Variants in KIFC3 observed in about 807,000 individuals in gnomAD.
KIFC3 encodes the protein kinesin-like protein KIFC3.
KIFC3 carries 60 observed loss-of-function variants against 101.8 expected under a neutral mutation model. The observed-to-expected ratio is 0.59, with a 90% CI of 0.48 to 0.73. KIFC3 has a LOEUF of 0.73. Ranked by LOEUF, KIFC3 falls within the 30% of genes least tolerant of loss-of-function variation. The pLI is 0.00. For missense variants in KIFC3, 966 were observed against 1,137.1 expected (o/e 0.85, Z 2.16); for synonymous variants, 476 against 482.7 (o/e 0.99, Z 0.18).
At chr16:57,768,247 G>A (rs1476494983) in intron 9 of KIFC3, among the ~76,000 whole-genome samples, 1 of 152,150 alleles carries the variant, frequency 6.6e-6, no homozygotes, top group Non-Finnish European at 1.5e-5. Context: ...CCAGGAGGCT[G>A]AGGCAGGAGG....
intron 1 of KIFC3, among the ~76,000 whole-genome samples, chr16:57,859,118 T>G (rs990411828): frequency 6.6e-6 from 1 of 152,244 alleles, no homozygotes; most frequent in African/African-American, 2.4e-5. Context: ...CTTATCTTAA[T>G]ATAATACATA....
intron 11 of KIFC3, 125 bp downstream of exon 11, chr16:57,765,334 T>C: frequency 1.1e-6 from 1 of 950,542 alleles, no homozygotes; most frequent in Non-Finnish European, 1.5e-6. Flanking sequence ...GGACCCTGGC[T>C]CCCCACTTCT....
chr16:57,841,872 C>T (rs1441448139), intron 1 of KIFC3, among the ~76,000 whole-genome samples: 1 of 151,380 alleles, frequency 6.6e-6, no homozygotes, highest in Non-Finnish European at 1.5e-5. Flanking sequence ...CTGTCTGGGA[C>T]ACCCCATCCA....
chr16:57,853,798 A>C (rs1235529214), intron 1 of KIFC3, among the ~76,000 whole-genome samples: 1 of 151,758 alleles, frequency 6.6e-6, no homozygotes, highest in East Asian at 1.9e-4. Context: ...TACCCGGATA[A>C]TTTTTTGTAT....
intron 18 of KIFC3, chr16:57,759,413 C>T (rs2049543311): frequency 3.4e-6 from 2 of 593,734 alleles, no homozygotes; most frequent in South Asian, 2.0e-5. Context: ...CTGGAGGGGG[C>T]TTACTGCACA....
intron 1 of KIFC3, among the ~76,000 whole-genome samples, chr16:57,819,717 C>T (rs1235263377): frequency 6.6e-6 from 1 of 151,968 alleles, no homozygotes; most frequent in African/African-American, 2.4e-5. Flanking sequence ...CCTGCCACTG[C>T]ACCCGGCAAA....
intron 1 of KIFC3, among the ~76,000 whole-genome samples, chr16:57,826,980 G>T (rs2055472204): frequency 6.6e-6 from 1 of 152,174 alleles, no homozygotes; most frequent in African/African-American, 2.4e-5. Flanking sequence ...GCTGCCTTGG[G>T]ACTGTGAAAC....
Position 57,769,166 on chromosome 16 carries a change from T to C in KIFC3, c.1218+429A>G, listed in dbSNP as rs1044450944. Reference sequence around the variant, plus strand: ...CTCCTGCCTCAGCCTCCCGAGTAGCTGGAATTAACAGGCACCTGCCACCCA... The same window carrying C: ...CTCCTGCCTCAGCCTCCCGAGTAGCCGGAATTAACAGGCACCTGCCACCCA... On this transcript the variant is annotated intron_variant, in intron 9 of 19. Transcript: ENST00000445690. This position sits in a 1 kb window ranked among gnomAD's most constrained non-coding sequence, Gnocchi z 4.3. Among the ~76,000 whole-genome samples the C allele has an allele frequency of 7.9e-5, 12 of 152,158 alleles. No homozygotes were observed. The highest frequency in any genetic ancestry group is 2.9e-4 in the African/African-American group (12 of 41,428).
chr16:57,853,896 G>C (rs1053057804), intron 1 of KIFC3, among the ~76,000 whole-genome samples: 1 of 152,138 alleles, frequency 6.6e-6, no homozygotes, highest in African/African-American at 2.4e-5. Context: ...GCCTCCCAAA[G>C]TGTTGGGATT....
rs945398168 is a variant in KIFC3 at position 57,765,455 on chromosome 16, T to G, written c.1512+4A>C. The G allele has an allele frequency of 6.4e-7, 1 of 1,574,140 alleles. No homozygotes were observed. The highest frequency in any genetic ancestry group is 8.6e-7 in the Non-Finnish European group (1 of 1,157,750). ...TTCCCTTTCCCGCATGGGGCCACAC[T>G]CACGTCCTGCTGCGAGGCCTGTGGG... On this transcript the variant is annotated splice_donor_region_variant and intron_variant, in intron 11 of 19. Transcript: ENST00000445690.
At position 57,771,302 on chromosome 16, in the gene KIFC3, C is replaced by T. The variant is rs1555607986; in HGVS notation, c.661G>A (p.Asp221Asn). ...RLAEVELRLK[D>N]CLAEKAQEEE... is the part of the protein sequence containing the mutation. ...TCCTGTGCCTTCTCAGCCAGGCAGT[C>T]CTTGAGTCGCAGCTCCACCTCAGCC... Residue 221 changes from aspartate to asparagine, a missense_variant, in exon 6 of 20, where the codon GAC becomes AAC. Asp to Asn is a conservative substitution (Grantham distance 23). Coordinates refer to ENST00000445690, the MANE Select transcript of KIFC3 (RefSeq NM_001130100.2). 13 of 1,613,540 alleles carry T rather than the reference C, an allele frequency of 8.1e-6. No individual in the cohort carries two copies. The highest frequency in any genetic ancestry group is 1.3e-5 in the African/African-American group (1 of 74,960).
chr16:57,850,440 TAAATA>T (rs1480745932), intron 1 of KIFC3, among the ~76,000 whole-genome samples: 1 of 139,732 alleles, frequency 7.2e-6, no homozygotes, highest in African/African-American at 2.6e-5. Context: ...ATAATAATAA[TAAATA>T]AAAATAAATT....
intron 2 of KIFC3, among the ~76,000 whole-genome samples, chr16:57,795,884 G>GTTTTTGTTT: frequency 1.7e-5 from 1 of 58,786 alleles, no homozygotes; most frequent in African/African-American, 4.9e-5. Context: ...GGGCTTTTTT[G>GTTTTTGTTT]TTTTTTTTTT....
chr16:57,811,134 G>A (rs2055062068), intron 1 of KIFC3, among the ~76,000 whole-genome samples: 1 of 152,164 alleles, frequency 6.6e-6, no homozygotes, highest in African/African-American at 2.4e-5. Flanking sequence ...CCTGGGGTTG[G>A]CTTCACTGTT....
At chr16:57,819,294 A>G (rs1160458796) in intron 1 of KIFC3, among the ~76,000 whole-genome samples, 1 of 152,118 alleles carries the variant, frequency 6.6e-6, no homozygotes, top group Non-Finnish European at 1.5e-5. Flanking sequence ...ACACAGGGAG[A>G]CCCTGTCTCT....
chr16:57,815,774 G>A, intron 1 of KIFC3: 1 of 664,528 alleles, frequency 1.5e-6, no homozygotes, highest in Non-Finnish European at 2.3e-6. Context: ...TGGGTCCTTG[G>A]GATCACCAAC....
upstream of KIFC3, chr16:57,802,859 G>C: frequency 9.1e-7 from 1 of 1,097,544 alleles, no homozygotes; most frequent in Non-Finnish European, 1.3e-6. This position sits in a 1 kb window ranked among gnomAD's most constrained non-coding sequence, Gnocchi z 5.0. Context: ...TCAAACCCGA[G>C]TGCAAAACTT....
At chr16:57,825,264 C>T (rs1183545199) in intron 1 of KIFC3, among the ~76,000 whole-genome samples, 1 of 152,248 alleles carries the variant, frequency 6.6e-6, no homozygotes, top group Non-Finnish European at 1.5e-5. Context: ...GAATCACTGG[C>T]CAGGCTCCTT....
intron 3 of KIFC3, among the ~76,000 whole-genome samples, chr16:57,793,358 T>G (rs1194939873): frequency 2.0e-5 from 3 of 150,892 alleles, no homozygotes; most frequent in African/African-American, 7.3e-5. Context: ...TTTGGGAGGC[T>G]GGGGCGGGCA....
Sources: allele counts gnomAD v4.1 joint callset (sites outside exome capture counted in the v4.1 genomes callset), GRCh38; gene constraint gnomAD v4.1.1; non-coding constraint Gnocchi (gnomAD v3.1); transcripts MANE v1.5; gene names NCBI Gene and HGNC (gene_info 2026-07-23, HGNC 2026-07-21).